The following ZNF79 variants were observed in gnomAD, a reference collection of about 807,000 sequenced individuals.
ZNF79 encodes ZNFpT7.
ZNF79 carries 13 observed loss-of-function variants against 14.9 expected under a neutral mutation model. The observed-to-expected ratio is 0.87, with a 90% confidence interval of 0.57 to 1.38. The LOEUF is 1.38. Among genes scored for constraint, ZNF79 ranks in the 40% most tolerant of loss-of-function variants. The pLI is 0.00. For synonymous variants in ZNF79, 223 were observed against 235.1 expected (o/e 0.95, Z 0.47); for missense variants, 631 against 630.6 (o/e 1.00, Z -0.01).
At chr9:127,426,852 A>C (rs1417628899) in intron 1 of ZNF79, among the ~76,000 whole-genome samples, 1 of 152,080 alleles carries the variant, frequency 6.6e-6, no homozygotes, top group Non-Finnish European at 1.5e-5. Context: ...ACCCTCTTTG[A>C]CTTTCACAGG....
chr9:127,428,975 G>A, intron 2 of ZNF79, 55 bp downstream of exon 2: 1 of 1,195,348 alleles, frequency 8.4e-7, no homozygotes, highest in South Asian at 1.6e-5. Context: ...TAATACTAAT[G>A]GTAGGGTTGC....
intron 2 of ZNF79, 145 bp from the exon 3 acceptor site, chr9:127,434,945 C>T (rs534408720): frequency 3.8e-5 from 36 of 938,810 alleles, no homozygotes; most frequent in African/African-American, 2.6e-4. Context: ...CGTGAGCCAC[C>T]GCACCTGGCC....
intron 4 of ZNF79, among the ~76,000 whole-genome samples, chr9:127,440,753 C>T (rs549848802): frequency 6.6e-5 from 10 of 152,116 alleles, no homozygotes; most frequent in African/African-American, 2.2e-4. Flanking sequence ...GTGATGGTGG[C>T]CTGTAAGAGA....
At chr9:127,430,519 G>A (rs1171363047) in intron 2 of ZNF79, among the ~76,000 whole-genome samples, 2 of 152,202 alleles carry the variant, frequency 1.3e-5, no homozygotes, top group East Asian at 1.9e-4. Context: ...AAGAACATGC[G>A]GTATTTGGTT....
Position 127,444,794 on chromosome 9 carries a change from C to T in ZNF79, c.1094C>T (p.Ala365Val), listed in dbSNP as rs973658813. 2.8e-5 allele frequency: 44 copies of T among 1,565,646 alleles called. No homozygotes were observed. Among genetic ancestry groups the T allele is most frequent in the Admixed American group, 3.6e-5 (2 of 56,272 alleles). The part of the protein sequence containing the change: ...HTGEKPYRCA[A>V]CGKAFSQSAN... Reference sequence around the variant, plus strand: ...GGGGAGAAGCCCTACAGATGTGCCGCGTGTGGGAAGGCCTTCAGCCAGAGT... The same window carrying T: ...GGGGAGAAGCCCTACAGATGTGCCGTGTGTGGGAAGGCCTTCAGCCAGAGT... Residue 365 changes from alanine (A) to valine (V), a missense_variant, in exon 5 of 5, where the codon GCG becomes GTG. Coordinates refer to ENST00000342483, the MANE Select transcript of ZNF79 (RefSeq NM_007135.3).
intron 4 of ZNF79, among the ~76,000 whole-genome samples, chr9:127,441,887 G>C (rs1490556255): frequency 1.3e-5 from 2 of 151,616 alleles, no homozygotes; most frequent in Non-Finnish European, 2.9e-5. Context: ...AGAGCTTGCA[G>C]TGAGCCGAGA....
chr9:127,437,608 A>G (rs1833973511), intron 4 of ZNF79, among the ~76,000 whole-genome samples: 1 of 151,308 alleles, frequency 6.6e-6, no homozygotes, highest in Non-Finnish European at 1.5e-5. Flanking sequence ...TGGAGGCTAG[A>G]GGTCTGAAAC....
chr9:127,428,147 ATT>A (rs1194099816), intron 1 of ZNF79, among the ~76,000 whole-genome samples: 1 of 151,600 alleles, frequency 6.6e-6, no homozygotes, highest in Non-Finnish European at 1.5e-5. Context: ...AGCCTGGCTA[ATT>A]TTTGTATTTT....
intron 2 of ZNF79, among the ~76,000 whole-genome samples, chr9:127,433,611 A>G (rs1833897678): frequency 6.6e-6 from 1 of 152,076 alleles, no homozygotes; most frequent in African/African-American, 2.4e-5. Context: ...GCTTTAGCTG[A>G]CCTGTGTGCC....
intron 3 of ZNF79, 62 bp from the exon 4 acceptor site, chr9:127,435,846 G>A: frequency 7.2e-7 from 1 of 1,384,596 alleles, no homozygotes; most frequent in South Asian, 1.2e-5. Context: ...TCTCTCCTGA[G>A]TTCTGGGTGG....
rs1334370518 is a variant in ZNF79, at chr9:127,445,224, G to C, written c.*27G>C. Reference sequence around the variant, plus strand: ...TAGGAACATGGTAGAAGTGGAGAGAGTCCCGGACATGCCGACTCAGGACAG... The same window carrying C: ...TAGGAACATGGTAGAAGTGGAGAGACTCCCGGACATGCCGACTCAGGACAG... On this transcript the variant is annotated 3_prime_UTR_variant, in exon 5 of 5. Transcript: ENST00000342483. 1 of 1,606,058 alleles carries C rather than the reference G, an allele frequency of 6.2e-7. No individual in the cohort carries two copies. The highest frequency in any genetic ancestry group is 1.7e-5 in the Admixed American group (1 of 59,642).
At chr9:127,434,932 A>G (rs866443956) in intron 2 of ZNF79, among the ~76,000 whole-genome samples, 158 bp from the exon 3 acceptor site, 6 of 152,322 alleles carry the variant, frequency 3.9e-5, no homozygotes, top group Middle Eastern at 3.4e-3. Flanking sequence ...CTGGGAGTAC[A>G]GGCGTGAGCC....
intron 4 of ZNF79, among the ~76,000 whole-genome samples, chr9:127,439,955 C>T (rs1333292028): frequency 2.6e-5 from 4 of 152,180 alleles, no homozygotes; most frequent in African/African-American, 7.2e-5. Context: ...CTCCACCTCC[C>T]GGGTTCATGC....
At chr9:127,428,691 G>A (rs968007202) in intron 1 of ZNF79, 141 bp from the exon 2 acceptor site, 24 of 1,255,208 alleles carry the variant, frequency 1.9e-5, no homozygotes, top group Middle Eastern at 3.1e-4. Context: ...AGGTAGGAGG[G>A]AATGGAGAAA....
chr9:127,424,715 G>A lies in ZNF79; in HGVS notation c.-73G>A. On this transcript the variant is annotated 5_prime_UTR_variant, in exon 1 of 5. Transcript: ENST00000342483. ...CCGTCAGAGCAGCCCTGCAGAACGG[G>A]GTGGGGGCTGCTGTAGATAGACCCT... is the stretch of plus-strand genomic sequence containing the variant. 1.2e-6 allele frequency: 2 copies of A among 1,609,548 alleles called. No homozygotes were observed. The highest frequency in any genetic ancestry group is 1.7e-6 in the Non-Finnish European group (2 of 1,177,846).
chr9:127,424,617 C>G lies in ZNF79; in HGVS notation c.-171C>G. 2.0e-6 allele frequency: 2 copies of G among 992,446 alleles called. No homozygotes were observed. The highest frequency in any genetic ancestry group is 3.0e-6 in the Non-Finnish European group (2 of 671,830). 61.5% of individuals were successfully genotyped at this position (992,446 alleles called of 1,614,324 possible). A position where few individuals can be genotyped will look rare whatever the true frequency, so the allele number is the denominator to read the frequency against. ...CGGCTGGGCAGGCCCGGACAGCTCC[C>G]GCGACCCAGCACCGCAGGATCAGAC... On this transcript the variant is annotated 5_prime_UTR_variant, in exon 1 of 5. Transcript: ENST00000342483.
Position 127,424,443 on chromosome 9 carries a change from G to A in ZNF79, c.-345G>A, listed in dbSNP as rs1373106536. ...TGGCGTTGGGCGGTACTTGGACAGC[G>A]GTTCTTGAGCTCTCGCGGTTGCCGG... On this transcript the variant is annotated 5_prime_UTR_variant, in exon 1 of 5. Coordinates refer to ENST00000342483, the MANE Select transcript of ZNF79 (RefSeq NM_007135.3). The A allele has an allele frequency of 1.8e-5, 5 of 282,928 alleles. No homozygotes were observed. The highest frequency in any genetic ancestry group is 9.4e-5 in the South Asian group (2 of 21,220). The allele number at this position is 282,928 out of a possible 1,614,324, so 17.5% of individuals were successfully genotyped here.
rs1404671841 is a variant in ZNF79, at chr9:127,435,991, A to G, written c.316A>G (p.Ser106Gly). ...AWMLEGEDLR[S>G]PSPGWKIISG... Reference sequence around the variant, plus strand: ...GATGCTGGAGGGCGAAGACCTGCGAAGTCCCTCTCCAGGTATGTGAGCAAG... The same window carrying G: ...GATGCTGGAGGGCGAAGACCTGCGAGGTCCCTCTCCAGGTATGTGAGCAAG... Residue 106 changes from serine (S) to glycine (G), a missense_variant, in exon 4 of 5, where the codon AGT (serine) becomes GGT (glycine). By Grantham distance (56) the Ser-to-Gly change is moderately conservative (BLOSUM62 0). Transcript: ENST00000342483. 5.6e-6 allele frequency: 9 copies of G among 1,614,198 alleles called. No homozygotes were observed. The highest frequency in any genetic ancestry group is 7.6e-6 in the Non-Finnish European group (9 of 1,179,982).
Position 127,444,955 on chromosome 9 carries a change from T to G in ZNF79, c.1255T>G (p.Cys419Gly). The change falls in exon 5 of 5, where the codon TGT becomes GGT. Residue 419 changes from cysteine (C) to glycine (G), a missense_variant. Transcript: ENST00000342483. ...KTHTGEKPYK[C>G]NECGKFFSES... is the part of the protein sequence containing the mutation. ...CCACACCGGGGAGAAGCCATATAAA[T>G]GTAATGAATGTGGGAAATTCTTCAG... 1 of 1,614,108 alleles carries G rather than the reference T, an allele frequency of 6.2e-7. No individual in the cohort carries two copies. The highest frequency in any genetic ancestry group is 8.5e-7 in the Non-Finnish European group (1 of 1,180,024).
Sources: allele counts gnomAD v4.1 joint callset (sites outside exome capture counted in the v4.1 genomes callset), GRCh38; gene constraint gnomAD v4.1.1; transcripts MANE v1.5; gene names NCBI Gene and HGNC (gene_info 2026-07-23, HGNC 2026-07-21).